FAM20A: variants seen among roughly 807,000 people sequenced by gnomAD.
FAM20A encodes the protein FAM20A golgi associated secretory pathway pseudokinase, also known as pseudokinase FAM20A.
A neutral mutation model predicts 52.0 loss-of-function variants in FAM20A; 42 were observed. The ratio of observed to expected loss-of-function variants is 0.81; its 90% CI spans 0.63 to 1.04. FAM20A has a LOEUF of 1.04. Among genes scored for constraint, FAM20A ranks in the 50% least tolerant of loss-of-function variants. The probability of loss-of-function intolerance (pLI) is 0.00; values close to 1 mark genes in which losing one functional copy is unlikely to be tolerated. For missense variants in FAM20A, 742 were observed against 712.7 expected, an observed-to-expected ratio of 1.04 and a Z score of -0.47; for synonymous variants, 304 against 298.9, an observed-to-expected ratio of 1.02 and a Z score of -0.18.
chr17:68,576,291 T>G (rs1451492569), intron 1 of FAM20A, among the ~76,000 whole-genome samples: 1 of 152,202 alleles, frequency 6.6e-6, no homozygotes, highest in Non-Finnish European at 1.5e-5. Flanking sequence ...GGCTCATGAC[T>G]CTTCACAACA....
intron 1 of FAM20A, among the ~76,000 whole-genome samples, chr17:68,561,712 C>T (rs1040422968): frequency 7.3e-5 from 11 of 151,632 alleles, no homozygotes; most frequent in Admixed American, 3.9e-4. Flanking sequence ...TTTAAACAGG[C>T]TTATCAAGTA....
rs2086099194 is a variant in FAM20A at position 68,536,466 on chromosome 17, C to T, written c.*1011G>A. ...AGGTAGAGGAGACAAGGAATCCCTA[C>T]TACACTTTCTTCTAAGGGAGGCTTC... On this transcript the variant is annotated 3_prime_UTR_variant, in exon 11 of 11. Transcript: ENST00000592554. 2.2e-6 allele frequency: 1 copy of T among 453,988 alleles called. No homozygotes were observed. The highest frequency in any genetic ancestry group is 2.3e-5 in the Admixed American group (1 of 42,558). The allele number at this position is 453,988 out of a possible 1,614,324, so 28.1% of individuals were successfully genotyped here.
chr17:68,591,520 A>G (rs1598082493), intron 1 of FAM20A, among the ~76,000 whole-genome samples: 1 of 152,286 alleles, frequency 6.6e-6, no homozygotes, highest in Admixed American at 6.5e-5. Flanking sequence ...GTCACATGAA[A>G]CCGCAGAATC....
intron 1 of FAM20A, among the ~76,000 whole-genome samples, chr17:68,566,957 A>T (rs2087392679): frequency 6.6e-6 from 1 of 152,100 alleles, no homozygotes; most frequent in African/African-American, 2.4e-5. Flanking sequence ...TTTTCAGTCT[A>T]CCTTGGTCTG....
At chr17:68,588,406 G>C (rs1330813628) in intron 1 of FAM20A, among the ~76,000 whole-genome samples, 1 of 152,258 alleles carries the variant, frequency 6.6e-6, no homozygotes, top group Admixed American at 6.5e-5. Context: ...ACAGGCCTAA[G>C]CCAGCAGATT....
chr17:68,596,201 CCA>C (rs140687859), intron 1 of FAM20A, among the ~76,000 whole-genome samples: 3,007 of 149,168 alleles, frequency 0.02, 117 homozygotes, highest in African/African-American at 0.067. Context: ...ATGTGGGAAA[CCA>C]CACACACACA....
At chr17:68,588,323 G>A (rs1326192999) in intron 1 of FAM20A, among the ~76,000 whole-genome samples, 1 of 152,234 alleles carries the variant, frequency 6.6e-6, no homozygotes, top group Non-Finnish European at 1.5e-5. Flanking sequence ...TCTTGAGGCT[G>A]TAAGAACCAT....
At chr17:68,574,186 T>A (rs2143815066) in intron 1 of FAM20A, among the ~76,000 whole-genome samples, 1 of 152,128 alleles carries the variant, frequency 6.6e-6, no homozygotes, top group East Asian at 1.9e-4. Context: ...CACCTCAGCC[T>A]CCCAAGTAAC....
chr17:68,548,705 A>G (rs2086682201), intron 4 of FAM20A, among the ~76,000 whole-genome samples: 1 of 150,808 alleles, frequency 6.6e-6, no homozygotes, highest in Non-Finnish European at 1.5e-5. Flanking sequence ...AAACGCAGAT[A>G]CAGCGAGCTA....
intron 5 of FAM20A, 120 bp downstream of exon 5, chr17:68,543,509 A>T: frequency 1.2e-6 from 1 of 859,688 alleles, no homozygotes; most frequent in Non-Finnish European, 2.0e-6. Flanking sequence ...AGGCACGAAG[A>T]AGATAGAAAG....
intron 1 of FAM20A, among the ~76,000 whole-genome samples, chr17:68,577,188 A>G (rs1385528478): frequency 6.6e-6 from 1 of 152,244 alleles, no homozygotes; most frequent in African/African-American, 2.4e-5. Flanking sequence ...GGCTTGCAGA[A>G]GTCCTGCCAT....
chr17:68,546,602 G>C (rs976895867), intron 4 of FAM20A, among the ~76,000 whole-genome samples: 1 of 151,146 alleles, frequency 6.6e-6, no homozygotes, highest in Admixed American at 6.6e-5. Context: ...AGGCCGAGGC[G>C]GGCGGATCAC....
At chr17:68,549,970 A>G (rs1395813669) in intron 4 of FAM20A, among the ~76,000 whole-genome samples, 5 of 152,246 alleles carry the variant, frequency 3.3e-5, no homozygotes, top group Admixed American at 1.3e-4. Context: ...CAGTCCTGGC[A>G]TAGTTAGCCA....
In FAM20A at chr17:68,555,640, G is replaced by A. The variant is rs761840393; in HGVS notation, c.508C>T (p.Arg170Cys). Residue 170 changes from arginine to cysteine, a missense_variant, in exon 2 of 11, where the codon CGC becomes TGC. Physicochemically the swap from Arg to Cys is radical, Grantham distance 180. Coordinates refer to ENST00000592554, the MANE Select transcript of FAM20A (RefSeq NM_017565.4). ...SWVQFHLGIN[R>C]HGLYSRSSPV... ...CTGGACCGGGAGTAGAGCCCATGGC[G>A]GTTAATACCCAGGTGGAACTGGACC... 1.8e-5 allele frequency: 29 copies of A among 1,613,674 alleles called. No individual in the cohort carries two copies. Among genetic ancestry groups the A allele is most frequent in the African/African-American group, 5.3e-5 (4 of 74,874 alleles).
intron 1 of FAM20A, among the ~76,000 whole-genome samples, chr17:68,578,506 G>A (rs1295065364): frequency 6.6e-6 from 1 of 152,152 alleles, no homozygotes; most frequent in African/African-American, 2.4e-5. Context: ...AGCATGACCA[G>A]TCACCCATGT....
chr17:68,554,533 C>G (rs534286300), intron 3 of FAM20A, among the ~76,000 whole-genome samples: 42 of 152,346 alleles, frequency 2.8e-4, no homozygotes, highest in Non-Finnish European at 5.0e-4. Context: ...TTCTGATGAG[C>G]TCCTCAGTGA....
intron 1 of FAM20A, among the ~76,000 whole-genome samples, chr17:68,597,222 A>C (rs905740288): frequency 1.6e-5 from 1 of 62,358 alleles, no homozygotes; most frequent in South Asian, 6.1e-4. Flanking sequence ...TCAAAATTAC[A>C]AAAAAAAAAA....
At chr17:68,562,338 C>G (rs148681658) in intron 1 of FAM20A, among the ~76,000 whole-genome samples, 1 of 152,260 alleles carries the variant, frequency 6.6e-6, no homozygotes, top group Non-Finnish European at 1.5e-5. Flanking sequence ...AGAAGGATGT[C>G]TAATTTCAGA....
intron 3 of FAM20A, among the ~76,000 whole-genome samples, chr17:68,553,931 TA>T (rs1161869195): frequency 1.5e-5 from 2 of 136,818 alleles, no homozygotes; most frequent in East Asian, 3.9e-4. Context: ...CATATATGCA[TA>T]TATACATATA....
Sources: gnomAD v4.1 joint callset for allele counts (sites outside exome capture counted in the v4.1 genomes callset) on GRCh38, gnomAD v4.1.1 for gene constraint, MANE v1.5 for transcripts, NCBI Gene and HGNC (gene_info 2026-07-23, HGNC 2026-07-21) for gene names.